FMN1: variants seen among roughly 807,000 people sequenced by gnomAD.
FMN1 encodes formin 1.
In FMN1, 110 loss-of-function variants were observed where a neutral mutation model predicts 132.4. The ratio of observed to expected loss-of-function variants is 0.83; its 90% CI spans 0.71 to 0.97. The LOEUF (loss-of-function observed/expected upper bound fraction) is 0.97, where lower values mean the gene tolerates loss of function less well. Among genes scored for constraint, FMN1 ranks in the 50% least tolerant of loss-of-function variants. FMN1 has a pLI of 0.00. For synonymous variants in FMN1, 722 were observed against 651.7 expected, an observed-to-expected ratio of 1.11 and a Z score of -1.64; for missense variants, 1,792 against 1,705.3, an observed-to-expected ratio of 1.05 and a Z score of -0.90.
At chr15:33,051,157 C>A (rs2036951684) in intron 6 of FMN1, among the ~76,000 whole-genome samples, 1 of 152,126 alleles carries the variant, frequency 6.6e-6, no homozygotes, top group Admixed American at 6.5e-5. Context: ...TATATATATA[C>A]CATTCTCTGA....
intron 7 of FMN1, among the ~76,000 whole-genome samples, chr15:32,982,892 A>T (rs2032789909): frequency 6.6e-6 from 1 of 152,110 alleles, no homozygotes; most frequent in South Asian, 2.1e-4. Context: ...CGGCCCTCCT[A>T]GATCTCCAGT....
chr15:32,888,447 G>C (rs1263630077), intron 15 of FMN1, among the ~76,000 whole-genome samples, 155 bp from the exon 16 acceptor site: 1 of 152,148 alleles, frequency 6.6e-6, no homozygotes, highest in Non-Finnish European at 1.5e-5. Context: ...ATTTGGACTT[G>C]TGACTTTGAA....
Position 33,153,076 on chromosome 15 carries a change from T to C in FMN1, c.1839A>G (p.Thr613=), listed in dbSNP as rs1335115070. The C allele has an allele frequency of 1.3e-6, 2 of 1,533,742 alleles. No individual in the cohort carries two copies. Among genetic ancestry groups the C allele is most frequent in the Non-Finnish European group, 1.7e-6 (2 of 1,145,864 alleles). ...GAGGTGACTGGTGCTGGGGCTCAGCTGTGGTCTTCCCTGGCCCCAAGCTCT... is the reference window on the plus strand; with the variant it reads ...GAGGTGACTGGTGCTGGGGCTCAGCCGTGGTCTTCCCTGGCCCCAAGCTCT... ...LEKSLGPGKT[T]AEPQHQSPPG... is the part of the protein sequence containing the mutation. Residue 613 remains threonine (T), a synonymous_variant, in exon 4 of 21, where the codon ACA becomes ACG. Coordinates refer to ENST00000616417, the MANE Select transcript of FMN1 (RefSeq NM_001277313.2).
At chr15:32,836,918 T>G (rs1237046039) in intron 17 of FMN1, 1 of 176,998 alleles carries the variant, frequency 5.6e-6, no homozygotes, top group Non-Finnish European at 1.3e-5. Flanking sequence ...GTAACATTCC[T>G]TTATTTTTTC....
In FMN1 at chr15:32,898,871, T is replaced by G; in HGVS notation, c.3677A>C (p.Asp1226Ala). Residue 1226 changes from aspartate (D) to alanine (A), a missense_variant, in exon 15 of 21, where the codon GAC (aspartate) becomes GCC (alanine). Transcript: ENST00000616417. ...ACGCAGGTAATACTTAACAACGTAG[T>G]CCACCAGATTAATCCCATTATCCTA... is the stretch of plus-strand genomic sequence containing the variant. ...KSRDNGINLV[D>A]YVVKYYLRYY... The G allele has an allele frequency of 1.9e-6, 3 of 1,599,648 alleles. No individual in the cohort carries two copies. The highest frequency in any genetic ancestry group is 2.6e-6 in the Non-Finnish European group (3 of 1,168,378).
At chr15:33,186,803 CAAG>C (rs751191277) in intron 2 of FMN1, among the ~76,000 whole-genome samples, 1 of 152,164 alleles carries the variant, frequency 6.6e-6, no homozygotes, top group Non-Finnish European at 1.5e-5. Context: ...GTAGAAAGGC[CAAG>C]AGTTGGAAGA....
intron 6 of FMN1, among the ~76,000 whole-genome samples, chr15:33,060,912 T>G (rs1566878013): frequency 6.6e-6 from 1 of 152,220 alleles, no homozygotes; most frequent in Non-Finnish European, 1.5e-5. Flanking sequence ...GATTTTGAGA[T>G]GTACATCATG....
At chr15:32,951,332 G>T (rs553326326) in intron 9 of FMN1, among the ~76,000 whole-genome samples, 34 of 152,008 alleles carry the variant, frequency 2.2e-4, no homozygotes, top group African/African-American at 8.2e-4. Flanking sequence ...CCTTGCATTG[G>T]GTGGTTTTTT....
At chr15:32,899,154 CAA>C (rs892688539) in intron 14 of FMN1, among the ~76,000 whole-genome samples, 2 of 141,450 alleles carry the variant, frequency 1.4e-5, no homozygotes, top group Non-Finnish European at 1.5e-5. Context: ...CTAAAACAAA[CAA>C]AAAAGTTGTG....
chr15:32,925,740 A>ATGGCAC (rs919665499), intron 10 of FMN1, among the ~76,000 whole-genome samples: 10 of 152,166 alleles, frequency 6.6e-5, no homozygotes, highest in African/African-American at 2.4e-4. Context: ...AGGAAGGATA[A>ATGGCAC]TGGCACTGGG....
At chr15:32,887,943 GA>G in intron 16 of FMN1, among the ~76,000 whole-genome samples, 1 of 152,024 alleles carries the variant, frequency 6.6e-6, no homozygotes, top group African/African-American at 2.4e-5. Flanking sequence ...TAGATATAAC[GA>G]GATATGGATA....
chr15:32,817,537 A>C (rs954736923), intron 17 of FMN1, among the ~76,000 whole-genome samples: 2 of 152,234 alleles, frequency 1.3e-5, no homozygotes, highest in African/African-American at 4.8e-5. Context: ...TGAAGGTCAT[A>C]ATCTGTCTCT....
chr15:33,050,562 CAG>C (rs936122729), intron 6 of FMN1, among the ~76,000 whole-genome samples: 1 of 152,090 alleles, frequency 6.6e-6, no homozygotes, highest in Non-Finnish European at 1.5e-5. Flanking sequence ...ATTTAAAAAA[CAG>C]TGTGTGATTT....
At chr15:33,047,497 G>C (rs896873897) in intron 6 of FMN1, among the ~76,000 whole-genome samples, 1 of 152,200 alleles carries the variant, frequency 6.6e-6, no homozygotes, top group African/African-American at 2.4e-5. Flanking sequence ...AGTTCTAACA[G>C]CCTGGGACAC....
intron 4 of FMN1, among the ~76,000 whole-genome samples, chr15:33,139,460 A>G (rs1224302023): frequency 6.7e-6 from 1 of 148,888 alleles, no homozygotes; most frequent in Admixed American, 6.8e-5. Flanking sequence ...GCCGGTGTAG[A>G]CACACCTATA....
intron 6 of FMN1, among the ~76,000 whole-genome samples, chr15:33,025,058 T>C (rs2035602619): frequency 6.6e-6 from 1 of 152,182 alleles, no homozygotes; most frequent in South Asian, 2.1e-4. Context: ...TTGTTATAAG[T>C]ATAAAACATG....
intron 7 of FMN1, among the ~76,000 whole-genome samples, chr15:32,988,832 GCTC>G (rs2033250956): frequency 6.6e-6 from 1 of 152,086 alleles, no homozygotes; most frequent in Non-Finnish European, 1.5e-5. Context: ...TTACCCTTTA[GCTC>G]CCCATCTATA....
At chr15:32,949,397 G>A (rs746727709) in intron 9 of FMN1, among the ~76,000 whole-genome samples, 6 of 151,420 alleles carry the variant, frequency 4.0e-5, no homozygotes, top group Non-Finnish European at 5.9e-5. Flanking sequence ...CCAATAAGAC[G>A]GCACACCTAC....
intron 2 of FMN1, among the ~76,000 whole-genome samples, chr15:33,181,357 G>A (rs568057196): frequency 2.6e-5 from 4 of 152,248 alleles, no homozygotes; most frequent in Admixed American, 2.6e-4. Flanking sequence ...TGTCTCTCCT[G>A]CCTCTTCCGA....
Sources: allele counts gnomAD v4.1 joint callset (sites outside exome capture counted in the v4.1 genomes callset), GRCh38; gene constraint gnomAD v4.1.1; transcripts MANE v1.5; gene names NCBI Gene and HGNC (gene_info 2026-07-23, HGNC 2026-07-21).